MYO18B: variants seen among roughly 807,000 people sequenced by gnomAD.
MYO18B encodes unconventional myosin-XVIIIb.
Under a neutral mutation model 273.0 loss-of-function variants are expected in MYO18B, and 204 were observed. The observed-to-expected ratio is 0.75, with a 90% CI of 0.67 to 0.84. The LOEUF is 0.84. MYO18B is among the 40% of genes least tolerant of loss of function. MYO18B has a pLI of 0.00. For synonymous variants in MYO18B, 1,330 were observed against 1,305.7 expected (o/e 1.02, Z -0.40); for missense variants, 3,212 against 3,287.6 (o/e 0.98, Z 0.56).
At chr22:26,005,142 T>G (rs1260702880) in intron 42 of MYO18B, among the ~76,000 whole-genome samples, 2 of 152,220 alleles carry the variant, frequency 1.3e-5, no homozygotes, top group Non-Finnish European at 2.9e-5. Flanking sequence ...CAGAGCATGG[T>G]TTTCCAGATT....
intron 41 of MYO18B, 46 bp from the exon 42 acceptor site, chr22:26,004,672 A>G: frequency 6.2e-7 from 1 of 1,606,148 alleles, no homozygotes; most frequent in Non-Finnish European, 8.5e-7. Flanking sequence ...TATTGCTGTT[A>G]CTGTGATTGT....
At position 25,768,678 on chromosome 22, in the gene MYO18B, A is replaced by G. The variant is rs747797099; in HGVS notation, c.762A>G (p.Lys254=). The G allele has an allele frequency of 6.4e-7, 1 of 1,550,850 alleles. No individual in the cohort carries two copies. The highest frequency in any genetic ancestry group is 8.7e-7 in the Non-Finnish European group (1 of 1,152,754). Residue 254 remains lysine (K), a synonymous_variant, in exon 4 of 44, where the codon AAA becomes AAG. Transcript: ENST00000335473. The part of the protein sequence containing the change: ...GLGTPKTTEL[K]EAEPQGKDRQ... ...GGACCCCCAAGACCACAGAGCTGAA[A>G]GAGGCTGAGCCCCAGGGCAAAGACA...
chr22:26,058,383 C>T, the MYO18B span, among the ~76,000 whole-genome samples: 4 of 152,114 alleles, frequency 2.6e-5, no homozygotes, highest in East Asian at 7.7e-4. Flanking sequence ...GGCATTAACT[C>T]AAGAGAAATG....
intron 40 of MYO18B, among the ~76,000 whole-genome samples, chr22:26,001,799 G>C (rs1008240071): frequency 6.6e-6 from 1 of 152,038 alleles, no homozygotes; most frequent in Non-Finnish European, 1.5e-5. Flanking sequence ...TTTGGAAGAG[G>C]GTGAATCTGA....
At chr22:25,866,779 C>T (rs906298754) in intron 21 of MYO18B, among the ~76,000 whole-genome samples, 10 of 122,540 alleles carry the variant, frequency 8.2e-5, no homozygotes, top group Admixed American at 5.8e-4. Context: ...AGCGAGACTC[C>T]GTCTCAAAAA....
At chr22:26,028,364 C>T (rs2147030936) in intron 43 of MYO18B, 1 of 152,088 alleles carries the variant, frequency 6.6e-6, no homozygotes, top group East Asian at 1.9e-4. Context: ...GTTCTGTCCA[C>T]ATAATGACAG....
intron 22 of MYO18B, 28 bp downstream of exon 22, chr22:25,868,413 T>C: frequency 1.3e-6 from 2 of 1,564,184 alleles, no homozygotes; most frequent in Non-Finnish European, 8.7e-7. Flanking sequence ...CTTACAACAT[T>C]CGCCCATCAC....
intron 40 of MYO18B, among the ~76,000 whole-genome samples, chr22:25,997,968 C>G (rs1177490976): frequency 7.1e-5 from 9 of 125,876 alleles, no homozygotes; most frequent in Admixed American, 6.8e-4. Flanking sequence ...AACACACACA[C>G]ACACACACAC....
At chr22:25,935,921 G>A (rs2092571531) in intron 34 of MYO18B, among the ~76,000 whole-genome samples, 1 of 152,224 alleles carries the variant, frequency 6.6e-6, no homozygotes, top group Admixed American at 6.5e-5. Flanking sequence ...AGGCTACAGA[G>A]TCAGGCAGTC....
At chr22:25,958,483 T>C (rs1218073813) in intron 39 of MYO18B, among the ~76,000 whole-genome samples, 1 of 152,224 alleles carries the variant, frequency 6.6e-6, no homozygotes, top group African/African-American at 2.4e-5. Context: ...CCTTTGCCTT[T>C]GAGCTCTGGG....
intron 39 of MYO18B, among the ~76,000 whole-genome samples, chr22:25,982,193 A>G (rs2093155948): frequency 6.6e-6 from 1 of 152,156 alleles, no homozygotes; most frequent in Admixed American, 6.5e-5. Flanking sequence ...GGGGATTACA[A>G]TTTACCATGA....
chr22:26,055,163 C>T, the MYO18B span, among the ~76,000 whole-genome samples: 5 of 152,092 alleles, frequency 3.3e-5, no homozygotes, highest in South Asian at 4.1e-4. Context: ...GTATAGAGCC[C>T]GGTGTTTTTT....
In MYO18B at chr22:25,831,246, C is replaced by T. The variant is rs117758043; in HGVS notation, c.2980-1671C>T. Among the ~76,000 whole-genome samples, 1,425 of 152,254 alleles carry T rather than the reference C, an allele frequency of 9.4e-3. 57 individuals are homozygous for T. In the East Asian group the frequency reaches 0.1, roughly 11 times the overall value. On this transcript the variant is annotated intron_variant, in intron 15 of 43. Transcript: ENST00000335473. ...CCTCCACTTACAAATCTTAGTAAAC[C>T]TGCTTGCAGTGGTTAGATCTGATTG...
chr22:25,750,523 A>G (rs889291468), intron 1 of MYO18B, among the ~76,000 whole-genome samples: 5 of 152,138 alleles, frequency 3.3e-5, no homozygotes, highest in African/African-American at 1.2e-4. Flanking sequence ...AGGCAGTCAG[A>G]TCATTCCTGC....
chr22:26,000,878 A>C (rs921854164), intron 40 of MYO18B, among the ~76,000 whole-genome samples: 2 of 152,182 alleles, frequency 1.3e-5, no homozygotes, highest in East Asian at 3.9e-4. Context: ...ATTCTGTGCA[A>C]GTTTAGTGAA....
At chr22:25,820,078 ATCATCACTG>A (rs1169095918) in intron 12 of MYO18B, among the ~76,000 whole-genome samples, 1 of 418 alleles carries the variant, frequency 2.4e-3, no homozygotes, top group Non-Finnish European at 5.6e-3. Flanking sequence ...CATCACTATC[ATCATCACTG>A]TCATCACCAT....
chr22:25,978,730 G>C (rs560880749), intron 39 of MYO18B, among the ~76,000 whole-genome samples: 1 of 152,196 alleles, frequency 6.6e-6, no homozygotes, highest in Non-Finnish European at 1.5e-5. Flanking sequence ...GAGGCAGGTG[G>C]ATTACCTGAG....
intron 25 of MYO18B, among the ~76,000 whole-genome samples, chr22:25,882,832 A>G (rs1280598819): frequency 1.3e-5 from 2 of 152,212 alleles, no homozygotes; most frequent in Admixed American, 6.5e-5. Context: ...TTTTAGTGCA[A>G]CTACCACCCA....
intron 42 of MYO18B, among the ~76,000 whole-genome samples, chr22:26,014,195 TGTG>T (rs1422654325): frequency 6.6e-6 from 1 of 152,172 alleles, no homozygotes; most frequent in African/African-American, 2.4e-5. Flanking sequence ...TAGGGCTCAT[TGTG>T]GTGTGAGGTA....
Sources: gnomAD v4.1 joint callset for allele counts (sites outside exome capture counted in the v4.1 genomes callset) on GRCh38, gnomAD v4.1.1 for gene constraint, MANE v1.5 for transcripts, NCBI Gene and HGNC (gene_info 2026-07-23, HGNC 2026-07-21) for gene names.